PRKACB: variants seen among roughly 807,000 people sequenced by gnomAD.
PRKACB encodes the protein cAMP-dependent protein kinase catalytic subunit beta.
Under a neutral mutation model 51.4 loss-of-function variants are expected in PRKACB, and 16 were observed. The observed-to-expected ratio is 0.31, with a 90% CI of 0.21 to 0.47. PRKACB has a LOEUF of 0.47. Among genes scored for constraint, PRKACB ranks in the 20% least tolerant of loss-of-function variants. The probability of loss-of-function intolerance (pLI) is 1.00; values close to 1 mark genes in which losing one functional copy is unlikely to be tolerated. For synonymous variants in PRKACB, 147 were observed against 154.4 expected, an observed-to-expected ratio of 0.95 and a Z score of 0.35; for missense variants, 309 against 464.5, an observed-to-expected ratio of 0.67 and a Z score of 3.08.
At chr1:84,136,885 G>C (rs1044840824) in intron 1 of PRKACB, among the ~76,000 whole-genome samples, 4 of 152,028 alleles carry the variant, frequency 2.6e-5, no homozygotes, top group Admixed American at 2.6e-4. Flanking sequence ...CCCCATAATC[G>C]CCATGTGTCA....
intron 1 of PRKACB, among the ~76,000 whole-genome samples, chr1:84,117,507 A>G (rs867718116): frequency 1.1e-4 from 16 of 151,964 alleles, no homozygotes; most frequent in African/African-American, 2.4e-4. Context: ...CAGATTTTCT[A>G]TTTCTTCCTG....
At chr1:84,147,552 G>C (rs1654270513) in intron 1 of PRKACB, among the ~76,000 whole-genome samples, 2 of 151,580 alleles carry the variant, frequency 1.3e-5, no homozygotes, top group Non-Finnish European at 1.5e-5. Context: ...CAAGTTTCCA[G>C]GAAAAATAAG....
At chr1:84,090,691 G>C (rs947176263) in intron 1 of PRKACB, among the ~76,000 whole-genome samples, 4 of 152,180 alleles carry the variant, frequency 2.6e-5, no homozygotes, top group African/African-American at 9.7e-5. Flanking sequence ...GTTCCAAGAA[G>C]GAGGGAGAGA....
intron 1 of PRKACB, among the ~76,000 whole-genome samples, chr1:84,101,104 G>A (rs1243731430): frequency 2.0e-5 from 3 of 152,170 alleles, no homozygotes; most frequent in Non-Finnish European, 2.9e-5. Context: ...GGATATATCG[G>A]AAGAGATATA....
intron 1 of PRKACB, among the ~76,000 whole-genome samples, chr1:84,121,479 C>T (rs564143627): frequency 2.0e-5 from 3 of 152,020 alleles, no homozygotes; most frequent in Non-Finnish European, 2.9e-5. Flanking sequence ...TCTTGCCAAT[C>T]GTAGCTAAAA....
At chr1:84,136,898 GA>G (rs1236800401) in intron 1 of PRKACB, among the ~76,000 whole-genome samples, 1 of 152,160 alleles carries the variant, frequency 6.6e-6, no homozygotes, top group Non-Finnish European at 1.5e-5. Flanking sequence ...ATGTGTCAAA[GA>G]AGAAACCAGG....
chr1:84,144,148 T>C, upstream of PRKACB: 11 of 952,762 alleles, frequency 1.2e-5, no homozygotes, highest in Non-Finnish European at 1.4e-5. Context: ...TGCAAGTTTT[T>C]AAAATCCTCA....
intron 1 of PRKACB, among the ~76,000 whole-genome samples, chr1:84,103,584 A>G (rs1003169563): frequency 2.0e-5 from 3 of 152,178 alleles, no homozygotes; most frequent in Non-Finnish European, 4.4e-5. Context: ...CTATGACCTC[A>G]TTTGGGCTGT....
intron 1 of PRKACB, among the ~76,000 whole-genome samples, chr1:84,112,297 A>G (rs1018813452): frequency 2.0e-5 from 3 of 148,674 alleles, no homozygotes; most frequent in Admixed American, 6.7e-5. Flanking sequence ...CAGTGGTGCA[A>G]TCTCAGCTCA....
At chr1:84,097,239 C>G (rs1240893134) in intron 1 of PRKACB, among the ~76,000 whole-genome samples, 2 of 151,964 alleles carry the variant, frequency 1.3e-5, no homozygotes, top group Non-Finnish European at 1.5e-5. Flanking sequence ...CACCTATACT[C>G]ATTTCTGTTA....
At chr1:84,141,561 T>C (rs1424154615), upstream of PRKACB, among the ~76,000 whole-genome samples, 1 of 152,104 alleles carries the variant, frequency 6.6e-6, no homozygotes, top group African/African-American at 2.4e-5. Flanking sequence ...CAGTGCAGAT[T>C]TAAAATACGG....
At chr1:84,119,574 A>T (rs1650893239) in intron 1 of PRKACB, among the ~76,000 whole-genome samples, 1 of 152,112 alleles carries the variant, frequency 6.6e-6, no homozygotes, top group African/African-American at 2.4e-5. Flanking sequence ...AAAATCCATC[A>T]GCCCGTATAT....
intron 1 of PRKACB, among the ~76,000 whole-genome samples, chr1:84,088,313 A>T (rs2100761760): frequency 6.6e-6 from 1 of 152,304 alleles, no homozygotes; most frequent in South Asian, 2.1e-4. Context: ...ATAACTGTGG[A>T]ATCTAAACCT....
At chr1:84,145,439 G>C (rs1398164205) in intron 1 of PRKACB, among the ~76,000 whole-genome samples, 4 of 151,932 alleles carry the variant, frequency 2.6e-5, no homozygotes, top group Non-Finnish European at 4.4e-5. Flanking sequence ...TTATGTATTT[G>C]GTAGCAGTTA....
At chr1:84,126,790 T>C (rs1465041878) in intron 1 of PRKACB, among the ~76,000 whole-genome samples, 2 of 152,192 alleles carry the variant, frequency 1.3e-5, no homozygotes, top group African/African-American at 4.8e-5. Context: ...AAAGTAGGAA[T>C]TATCTTTTAT....
chr1:84,136,265 A>G (rs1652796815), intron 1 of PRKACB, among the ~76,000 whole-genome samples: 2 of 150,698 alleles, frequency 1.3e-5, no homozygotes, highest in Admixed American at 1.3e-4. Flanking sequence ...ATTTTCAGAA[A>G]AAGAAAGAAT....
At chr1:84,229,967 T>C (rs1675325628) in intron 9 of PRKACB, among the ~76,000 whole-genome samples, 1 of 150,620 alleles carries the variant, frequency 6.6e-6, no homozygotes, top group Non-Finnish European at 1.5e-5. Flanking sequence ...TTGGCTTTTG[T>C]TGCCATTGCT....
intron 1 of PRKACB, among the ~76,000 whole-genome samples, chr1:84,152,384 G>A (rs763167677): frequency 3.3e-5 from 5 of 152,158 alleles, no homozygotes; most frequent in East Asian, 1.9e-4. Flanking sequence ...AGCCCCTAGC[G>A]AGAGTCAGCC....
At chr1:84,181,851 T>G in intron 2 of PRKACB, 1 of 639,588 alleles carries the variant, frequency 1.6e-6, no homozygotes, top group East Asian at 3.2e-5. Context: ...AGTTTGTAAT[T>G]ATTAAAATAT....
Sources: gnomAD v4.1 joint callset for allele counts (sites outside exome capture counted in the v4.1 genomes callset) on GRCh38, gnomAD v4.1.1 for gene constraint, MANE v1.5 for transcripts, NCBI Gene and HGNC (gene_info 2026-07-23, HGNC 2026-07-21) for gene names.